CCNY: variants seen among roughly 807,000 people sequenced by gnomAD.
CCNY encodes the protein cyclin Y.
Under a neutral mutation model 42.8 loss-of-function variants are expected in CCNY, and 19 were observed. The observed-to-expected ratio is 0.44, with a 90% CI of 0.31 to 0.65. The LOEUF (loss-of-function observed/expected upper bound fraction) is 0.65. Ranked by LOEUF, CCNY falls within the 30% of genes least tolerant of loss-of-function variation. The pLI, the probability that CCNY is intolerant of heterozygous loss-of-function variation, is 0.07. For missense variants in CCNY, 370 were observed against 437.3 expected, an observed-to-expected ratio of 0.85 and a Z score of 1.37; for synonymous variants, 165 against 162.7, an observed-to-expected ratio of 1.01 and a Z score of -0.11.
chr10:35,569,418 C>T lies in CCNY; in HGVS notation c.*248C>T. The stretch of plus-strand genomic sequence containing the variant: ...CTTCGTGGAGGAAGTGGACTCGAAT[C>T]CTGGAGGAGGAAATAAAGGGAAAGG... On this transcript the variant is annotated 3_prime_UTR_variant, in exon 10 of 10. Transcript: ENST00000374704. The T allele has an allele frequency of 1.9e-6, 1 of 520,414 alleles. No individual in the cohort carries two copies. The highest frequency in any genetic ancestry group is 3.5e-6 in the Non-Finnish European group (1 of 287,990). 32.2% of individuals were successfully genotyped at this position (520,414 alleles called of 1,614,324 possible).
chr10:35,478,453 G>A (rs1839574178), intron 1 of CCNY, among the ~76,000 whole-genome samples: 1 of 151,528 alleles, frequency 6.6e-6, no homozygotes, highest in African/African-American at 2.4e-5. Context: ...ATAGATCAAT[G>A]GAACAGAACA....
intron 1 of CCNY, among the ~76,000 whole-genome samples, chr10:35,461,827 T>C (rs1839163353): frequency 6.6e-6 from 1 of 152,216 alleles, no homozygotes; most frequent in South Asian, 2.1e-4. Flanking sequence ...TGATTTGTTA[T>C]TGAGGTATCT....
intron 3 of CCNY, among the ~76,000 whole-genome samples, chr10:35,328,944 G>T (rs575519671): frequency 6.6e-6 from 1 of 152,168 alleles, no homozygotes; most frequent in Non-Finnish European, 1.5e-5. Context: ...TTGGAGAAAT[G>T]CAAGTAAAAC....
At chr10:35,407,573 C>T (rs1015630170) in intron 1 of CCNY, among the ~76,000 whole-genome samples, 10 of 152,018 alleles carry the variant, frequency 6.6e-5, no homozygotes, top group Admixed American at 2.6e-4. Flanking sequence ...TCGAAAGTGC[C>T]GTTTTCTGGC....
intron 3 of CCNY, among the ~76,000 whole-genome samples, chr10:35,283,044 T>A (rs1297769286): frequency 6.6e-6 from 1 of 152,294 alleles, no homozygotes; most frequent in East Asian, 1.9e-4. Flanking sequence ...ACTGGGATCA[T>A]TGAGGGTACA....
intron 5 of CCNY, among the ~76,000 whole-genome samples, chr10:35,526,757 C>G (rs1840661058): frequency 2.0e-5 from 3 of 151,818 alleles, no homozygotes; most frequent in Admixed American, 2.0e-4. Flanking sequence ...TTGACCACAC[C>G]TAATCTACAG....
intron 1 of CCNY, among the ~76,000 whole-genome samples, chr10:35,373,868 C>T (rs1040731407): frequency 2.0e-5 from 3 of 152,176 alleles, no homozygotes; most frequent in Non-Finnish European, 4.4e-5. Flanking sequence ...ATTTTCAACT[C>T]CATGAAGGGG....
chr10:35,259,936 A>C (rs1228340395), intron 3 of CCNY, among the ~76,000 whole-genome samples: 1 of 151,736 alleles, frequency 6.6e-6, no homozygotes, highest in Non-Finnish European at 1.5e-5. Context: ...CCATTGGCTC[A>C]GAAAATCACT....
intron 4 of CCNY, among the ~76,000 whole-genome samples, chr10:35,523,459 C>T (rs1168398943): frequency 1.3e-5 from 2 of 152,186 alleles, no homozygotes; most frequent in Non-Finnish European, 2.9e-5. Context: ...GCAGTCACTT[C>T]CTTCAAGACG....
At chr10:35,395,568 A>G (rs1004551771) in intron 1 of CCNY, among the ~76,000 whole-genome samples, 9 of 152,032 alleles carry the variant, frequency 5.9e-5, no homozygotes, top group African/African-American at 2.2e-4. Context: ...GGAACACATC[A>G]GATATTGAGG....
chr10:35,256,473 C>G (rs1488682505), intron 3 of CCNY, among the ~76,000 whole-genome samples: 2 of 152,090 alleles, frequency 1.3e-5, no homozygotes, highest in Non-Finnish European at 2.9e-5. Flanking sequence ...GTGGCTCACA[C>G]CTGTAATTCC....
intron 8 of CCNY, among the ~76,000 whole-genome samples, chr10:35,563,683 A>G (rs1161727872): frequency 1.3e-5 from 2 of 152,152 alleles, no homozygotes; most frequent in African/African-American, 4.8e-5. Flanking sequence ...AGTAAAAATT[A>G]TCCCAAATCA....
chr10:35,429,343 AACTT>A (rs1838335289), intron 1 of CCNY, among the ~76,000 whole-genome samples: 1 of 152,270 alleles, frequency 6.6e-6, no homozygotes, highest in South Asian at 2.1e-4. Flanking sequence ...AACATAAATG[AACTT>A]ACTATTGTTA....
At chr10:35,457,180 C>T (rs1040870115) in intron 1 of CCNY, among the ~76,000 whole-genome samples, 1 of 152,130 alleles carries the variant, frequency 6.6e-6, no homozygotes, top group African/African-American at 2.4e-5. Context: ...TCTTCATGTG[C>T]TTTCTCCTTT....
chr10:35,492,982 C>A (rs950068179), intron 2 of CCNY, among the ~76,000 whole-genome samples: 3 of 152,030 alleles, frequency 2.0e-5, no homozygotes, highest in Non-Finnish European at 4.4e-5. Flanking sequence ...GCAGTCTTCT[C>A]TTGAGGTGCA....
intron 3 of CCNY, among the ~76,000 whole-genome samples, chr10:35,254,172 C>T (rs893122050): frequency 2.6e-5 from 4 of 152,146 alleles, no homozygotes; most frequent in Non-Finnish European, 4.4e-5. Flanking sequence ...CCACCGCGCC[C>T]GGCCTTGAGT....
rs1554774798 is a variant in CCNY, at chr10:35,301,950, T to TTTA, written c.-9+51326_-9+51327insATT. ...GCCCAGCCTTCATTGTTATTTTTTA[T>TTTA]TTTATTTATTTATTTATTTATTTAT... On this transcript the variant is annotated intron_variant, in intron 3 of 11. Transcript: ENST00000374706. Among the ~76,000 whole-genome samples, 430 of 81,516 alleles carry TTTA rather than the reference T, an allele frequency of 5.3e-3. 2 individuals carry two copies. Among genetic ancestry groups the TTTA allele is most frequent in the East Asian group, 0.017 (39 of 2,248 alleles). 53.5% of individuals were successfully genotyped at this position (81,516 alleles called of 152,430 possible).
At chr10:35,363,048 C>T (rs1291705355) in intron 1 of CCNY, among the ~76,000 whole-genome samples, 6 of 143,704 alleles carry the variant, frequency 4.2e-5, no homozygotes, top group Admixed American at 2.1e-4. Context: ...CGGGCGGAGA[C>T]GCTCCTCACT....
intron 8 of CCNY, among the ~76,000 whole-genome samples, chr10:35,554,859 A>G (rs926570376): frequency 3.9e-5 from 6 of 152,234 alleles, no homozygotes; most frequent in African/African-American, 1.4e-4. Context: ...CATGAAAACA[A>G]AAGAGAACAG....
Sources: allele counts gnomAD v4.1 joint callset (sites outside exome capture counted in the v4.1 genomes callset), GRCh38; gene constraint gnomAD v4.1.1; transcripts MANE v1.5; gene names NCBI Gene and HGNC (gene_info 2026-07-23, HGNC 2026-07-21).